Variants in NSD2 observed in about 807,000 individuals in gnomAD.
NSD2 encodes the protein histone-lysine N-methyltransferase NSD2.
In NSD2, 12 loss-of-function variants were observed where a neutral mutation model predicts 139.0. The observed-to-expected ratio is 0.09, with a 90% confidence interval of 0.06 to 0.14. NSD2 has a LOEUF of 0.14. Ranked by LOEUF, NSD2 falls within the 10% of genes least tolerant of loss-of-function variation. The pLI is 1.00. For missense variants in NSD2, 1,155 were observed against 1,745.0 expected (o/e 0.66, Z 6.02); for synonymous variants, 669 against 648.7 (o/e 1.03, Z -0.48).
At chr4:1,970,165 G>A (rs906039600) in intron 18 of NSD2, among the ~76,000 whole-genome samples, 3 of 152,200 alleles carry the variant, frequency 2.0e-5, no homozygotes, top group African/African-American at 7.2e-5. Flanking sequence ...CACATTGGGC[G>A]ACGTCGTAAG....
chr4:1,908,765 C>T (rs1296696472), intron 3 of NSD2, among the ~76,000 whole-genome samples: 2 of 152,046 alleles, frequency 1.3e-5, no homozygotes, highest in Non-Finnish European at 2.9e-5. Context: ...TCTGTCCCAA[C>T]AGTGTAGCTT....
rs1367759640 is a variant in NSD2, at chr4:1,914,829, TG to T, written c.761-2040del. Among the ~76,000 whole-genome samples, 3 of 152,328 alleles carry T rather than the reference TG, an allele frequency of 2.0e-5. No individual in the cohort carries two copies. In the East Asian group the frequency reaches 5.8e-4, roughly 29 times the overall value. On this transcript the variant is annotated intron_variant, in intron 3 of 21. Coordinates refer to ENST00000508803, the MANE Select transcript of NSD2 (RefSeq NM_001042424.3). ...TTTCTTGTTCCATTAACTTGGAGGC[TG>T]GCCTTTCACCCAACCCCCAGCAGCT...
At chr4:1,917,778 C>CTTTTTT (rs34000332) in intron 4 of NSD2, among the ~76,000 whole-genome samples, 2 of 122,672 alleles carry the variant, frequency 1.6e-5, no homozygotes, top group Non-Finnish European at 3.5e-5. Context: ...TAAAAGTATT[C>CTTTTTT]TTTTTTTTTT....
Position 1,980,762 on chromosome 4 carries a change from C to T in NSD2, c.*1853C>T, listed in dbSNP as rs531384748. The T allele has an allele frequency of 3.4e-5, 8 of 233,188 alleles. No individual in the cohort carries two copies. In the South Asian group the frequency reaches 9.0e-4, roughly 26 times the overall value. 14.4% of individuals were successfully genotyped at this position (233,188 alleles called of 1,614,324 possible). Reference sequence around the variant, plus strand: ...CTGTGTAGCCACTGACTTGCTCGCGCGGCCGTGGCCTCTGAGGGGCACTCG... The same window carrying T: ...CTGTGTAGCCACTGACTTGCTCGCGTGGCCGTGGCCTCTGAGGGGCACTCG... On this transcript the variant is annotated 3_prime_UTR_variant, in exon 22 of 22. Coordinates refer to ENST00000508803, the MANE Select transcript of NSD2 (RefSeq NM_001042424.3).
intron 12 of NSD2, among the ~76,000 whole-genome samples, chr4:1,953,766 C>T (rs1724525486): frequency 6.6e-6 from 1 of 151,914 alleles, no homozygotes; most frequent in African/African-American, 2.4e-5. Flanking sequence ...AACCTTTGGA[C>T]CATTTGATAG....
intron 1 of NSD2, among the ~76,000 whole-genome samples, chr4:1,888,326 T>C (rs1715270103): frequency 7.0e-6 from 1 of 142,142 alleles, no homozygotes; most frequent in Non-Finnish European, 1.5e-5. Flanking sequence ...GCAGGGAGAA[T>C]TGCCTGAACC....
intron 1 of NSD2, among the ~76,000 whole-genome samples, chr4:1,891,262 T>A (rs1715518330): frequency 2.0e-5 from 3 of 152,216 alleles, no homozygotes; most frequent in Admixed American, 2.0e-4. Flanking sequence ...CTGAAATATA[T>A]TTCAGGCAGA....
At chr4:1,933,453 G>A (rs1042665928) in intron 6 of NSD2, among the ~76,000 whole-genome samples, 2 of 152,144 alleles carry the variant, frequency 1.3e-5, no homozygotes, top group Non-Finnish European at 2.9e-5. Flanking sequence ...GCAGTGGCGC[G>A]ATCTCGGCTC....
chr4:1,898,552 T>C (rs1160911691), intron 1 of NSD2, among the ~76,000 whole-genome samples: 1 of 151,306 alleles, frequency 6.6e-6, no homozygotes, highest in Non-Finnish European at 1.5e-5. Flanking sequence ...TAGTCCCAGC[T>C]ACTCAGGAGG....
chr4:1,885,977 A>G (rs1715050367), intron 1 of NSD2, among the ~76,000 whole-genome samples: 1 of 152,246 alleles, frequency 6.6e-6, no homozygotes. Flanking sequence ...CAGAAAATAT[A>G]TTTTATGAAT....
Position 1,938,494 on chromosome 4 carries a change from A to C in NSD2, c.1718A>C (p.Lys573Thr), listed in dbSNP as rs751314482. 1 of 1,579,848 alleles carries C rather than the reference A, an allele frequency of 6.3e-7. No individual in the cohort carries two copies. Among genetic ancestry groups the C allele is most frequent in the Admixed American group, 1.7e-5 (1 of 57,756 alleles). ...AAAACGGCCAGAACAAGCTCTTACA[A>C]GGCCATGGAGGCAGCCTCCTCGCTC... ...TDKTARTSSY[K>T]AMEAASSLKS... Residue 573 changes from lysine to threonine, a missense_variant, in exon 8 of 22, where the codon AAG becomes ACG. Coordinates refer to ENST00000508803, the MANE Select transcript of NSD2 (RefSeq NM_001042424.3).
rs1724708527 is a variant in NSD2, at chr4:1,955,426, T to C, written c.2518+86T>C. The C allele has an allele frequency of 4.8e-6, 7 of 1,471,028 alleles. No individual in the cohort carries two copies. The highest frequency in any genetic ancestry group is 5.4e-6 in the Non-Finnish European group (6 of 1,102,104). The allele number at this position is 1,471,028 out of a possible 1,614,324, so 91.1% of individuals were successfully genotyped here. A position where few individuals can be genotyped will look rare whatever the true frequency, so the allele number is the denominator to read the frequency against. On this transcript the variant is annotated intron_variant, in intron 13 of 21. Coordinates refer to ENST00000508803, the MANE Select transcript of NSD2 (RefSeq NM_001042424.3). This position sits in a 1 kb window ranked among gnomAD's most constrained non-coding sequence, Gnocchi z 4.7. ...AGGCAGGCTCATTCCTTGTCTGCGC[T>C]GTGTTCATTGATGTTGACAGTGTTC...
At chr4:1,911,582 C>A (rs1577416554) in intron 3 of NSD2, among the ~76,000 whole-genome samples, 4 of 85,430 alleles carry the variant, frequency 4.7e-5, no homozygotes, top group East Asian at 3.4e-4. Flanking sequence ...AGCGAGACGC[C>A]ATCTCAAAAA....
At chr4:1,912,509 A>G (rs763353266) in intron 3 of NSD2, among the ~76,000 whole-genome samples, 12 of 152,112 alleles carry the variant, frequency 7.9e-5, no homozygotes, top group Non-Finnish European at 1.5e-4. Flanking sequence ...ATCATACACT[A>G]TGTTGTCCAT....
chr4:1,900,779 G>A lies in NSD2; in HGVS notation c.125G>A (p.Arg42His), dbSNP rs1560591705. ...AAGACTCCGAGCTGCGAGGTGAACC[G>A]CGAGTGTTCTGTGTTCCTCAGCAAA... The part of the protein sequence containing the change: ...NGKTPSCEVN[R>H]ECSVFLSKAQ... The change falls in exon 2 of 22, where the codon CGC becomes CAC. Residue 42 changes from arginine to histidine, a missense_variant. Arg to His is a conservative substitution (Grantham distance 29). Coordinates refer to ENST00000508803, the MANE Select transcript of NSD2 (RefSeq NM_001042424.3). 6.2e-6 allele frequency: 10 copies of A among 1,614,128 alleles called. No individual in the cohort carries two copies. Among genetic ancestry groups the A allele is most frequent in the South Asian group, 4.4e-5 (4 of 91,076 alleles).
chr4:1,929,345 A>T (rs1042524074), intron 5 of NSD2, among the ~76,000 whole-genome samples: 2 of 152,144 alleles, frequency 1.3e-5, no homozygotes, highest in African/African-American at 4.8e-5. Context: ...TGGTAATGGT[A>T]ACCAACCAAC....
At chr4:1,927,483 C>T (rs970187864) in intron 5 of NSD2, among the ~76,000 whole-genome samples, 1 of 151,964 alleles carries the variant, frequency 6.6e-6, no homozygotes, top group South Asian at 2.1e-4. Context: ...TTTGGGAGGC[C>T]ATGGCGGGCA....
intron 9 of NSD2, among the ~76,000 whole-genome samples, chr4:1,949,973 G>C (rs936513459): frequency 6.6e-6 from 1 of 152,052 alleles, no homozygotes; most frequent in Non-Finnish European, 1.5e-5. Context: ...TTCTGACTTC[G>C]TGTTCATTGG....
At chr4:1,909,998 C>T (rs918414432) in intron 3 of NSD2, among the ~76,000 whole-genome samples, 140 of 151,930 alleles carry the variant, frequency 9.2e-4, no homozygotes, top group Admixed American at 8.9e-3. Context: ...AGTTTGAATC[C>T]GTGTATCTTA....
Sources: gnomAD v4.1 joint callset for allele counts (sites outside exome capture counted in the v4.1 genomes callset) on GRCh38, gnomAD v4.1.1 for gene constraint, Gnocchi (gnomAD v3.1) non-coding constraint, MANE v1.5 for transcripts, NCBI Gene and HGNC (gene_info 2026-07-23, HGNC 2026-07-21) for gene names.